MSI2: variants seen among roughly 807,000 people sequenced by gnomAD.
MSI2 encodes musashi RNA binding protein 2.
In MSI2, 17 loss-of-function variants were observed where a neutral mutation model predicts 45.6. The observed-to-expected ratio is 0.37, with a 90% CI of 0.26 to 0.56. The LOEUF (loss-of-function observed/expected upper bound fraction) is 0.56, where lower values mean the gene tolerates loss of function less well. Among genes scored for constraint, MSI2 ranks in the 20% least tolerant of loss-of-function variants. The pLI, the probability that MSI2 is intolerant of heterozygous loss-of-function variation, is 0.77. For synonymous variants in MSI2, 156 were observed against 158.2 expected (o/e 0.99, Z 0.11); for missense variants, 293 against 444.2 (o/e 0.66, Z 3.06).
rs556165369 is a variant in MSI2 at position 57,682,621 on chromosome 17, T to A, written c.*3104T>A. 3.7e-5 allele frequency: 6 copies of A among 163,076 alleles called. No individual in the cohort carries two copies. The East Asian group carries it at 6.4e-4, about 17-fold the overall frequency. The allele number at this position is 163,076 out of a possible 1,614,324, so 10.1% of individuals were successfully genotyped here. On this transcript the variant is annotated 3_prime_UTR_variant, in exon 14 of 14. Transcript: ENST00000284073. ...TTTAAGGTTCACGTTAGTCCCCCCA[T>A]TCCATCTAGAAGTCCATTTTGAAAG...
chr17:57,619,106 T>C (rs1053387447), intron 9 of MSI2, among the ~76,000 whole-genome samples: 1 of 152,232 alleles, frequency 6.6e-6, no homozygotes, highest in Non-Finnish European at 1.5e-5. Flanking sequence ...GCTCAGGTCC[T>C]GTCAGTTGAC....
intron 10 of MSI2, among the ~76,000 whole-genome samples, chr17:57,643,811 G>A (rs1436418257): frequency 6.6e-6 from 1 of 152,138 alleles, no homozygotes; most frequent in African/African-American, 2.4e-5. Context: ...ATTATCTGGG[G>A]CACTTTTGTG....
At chr17:57,528,927 A>C (rs1374091162) in intron 6 of MSI2, among the ~76,000 whole-genome samples, 1 of 152,214 alleles carries the variant, frequency 6.6e-6, no homozygotes, top group African/African-American at 2.4e-5. Context: ...ATCACTAAAA[A>C]CAATTCACAT....
chr17:57,267,653 T>TC (rs1170970358), intron 5 of MSI2: 4 of 151,670 alleles, frequency 2.6e-5, no homozygotes, highest in African/African-American at 9.7e-5. Context: ...ATCTCTCTCT[T>TC]CCCGTTTGAT....
chr17:57,276,283 C>G (rs1186470029), intron 5 of MSI2, among the ~76,000 whole-genome samples: 1 of 152,152 alleles, frequency 6.6e-6, no homozygotes, highest in East Asian at 1.9e-4. Context: ...TTGATGATTT[C>G]TTGTTCAAAT....
intron 5 of MSI2, among the ~76,000 whole-genome samples, chr17:57,310,543 AG>A (rs1257831526): frequency 6.6e-6 from 1 of 152,158 alleles, no homozygotes; most frequent in Non-Finnish European, 1.5e-5. Flanking sequence ...CATGTTGGCC[AG>A]GCTGGTCTCG....
At chr17:57,361,606 C>CAAA (rs34432170) in intron 5 of MSI2, among the ~76,000 whole-genome samples, 1 of 71,768 alleles carries the variant, frequency 1.4e-5, no homozygotes, top group Non-Finnish European at 3.1e-5. Flanking sequence ...GACCTTGTCT[C>CAAA]AAAAAAAAAA....
chr17:57,370,047 C>T (rs1296001331), intron 5 of MSI2, among the ~76,000 whole-genome samples: 1 of 152,238 alleles, frequency 6.6e-6, no homozygotes, highest in Non-Finnish European at 1.5e-5. Context: ...CCTTAAAACA[C>T]TGTCGCTGGG....
At chr17:57,507,223 C>CTGTGTGTGTGTGTG (rs1436640773) in intron 6 of MSI2, among the ~76,000 whole-genome samples, 1 of 109,818 alleles carries the variant, frequency 9.1e-6, no homozygotes, top group African/African-American at 4.9e-5. Context: ...GTCTTTGTCT[C>CTGTGTGTGTGTGTG]TCTGTGTGTG....
At chr17:57,554,480 T>G (rs938747743) in intron 7 of MSI2, among the ~76,000 whole-genome samples, 1 of 152,226 alleles carries the variant, frequency 6.6e-6, no homozygotes, top group Non-Finnish European at 1.5e-5. Context: ...AAGTAGTCAA[T>G]GTGTGCACAC....
intron 7 of MSI2, among the ~76,000 whole-genome samples, chr17:57,592,621 A>C (rs1445634397): frequency 1.3e-5 from 2 of 152,222 alleles, no homozygotes; most frequent in African/African-American, 2.4e-5. Context: ...TCCAGGGTAC[A>C]TAGGCTTGAA....
At chr17:57,668,916 C>T (rs4793559) in intron 11 of MSI2, among the ~76,000 whole-genome samples, 75,797 of 152,028 alleles carry the variant, frequency 0.5, 21,949 homozygotes, top group African/African-American at 0.82. Flanking sequence ...TTGATTTTAA[C>T]TTAGCATGTC....
chr17:57,472,110 G>C (rs1014178591), intron 6 of MSI2, among the ~76,000 whole-genome samples: 1 of 152,178 alleles, frequency 6.6e-6, no homozygotes, highest in Non-Finnish European at 1.5e-5. Context: ...AGTTGCTGCC[G>C]GTTCCTGCCT....
chr17:57,460,267 T>C (rs186558788), intron 6 of MSI2, among the ~76,000 whole-genome samples: 6 of 152,108 alleles, frequency 3.9e-5, no homozygotes, highest in Non-Finnish European at 7.4e-5. Flanking sequence ...GAGGCTGCAG[T>C]GAGCTGTGGT....
Position 57,256,568 on chromosome 17 carries a change from C to A in MSI2, c.-175C>A. 2.7e-6 allele frequency: 1 copy of A among 375,662 alleles called. No individual in the cohort carries two copies. The highest frequency in any genetic ancestry group is 4.6e-6 in the Non-Finnish European group (1 of 215,350). 23.3% of individuals were successfully genotyped at this position (375,662 alleles called of 1,614,324 possible). ...GCTAAGCCGAGCCCACGTGTGACGG[C>A]TCTCGCCGCTGCCCCGGCTCCGCCG... On this transcript the variant is annotated 5_prime_UTR_variant, in exon 1 of 14. Coordinates refer to ENST00000284073, the MANE Select transcript of MSI2 (RefSeq NM_138962.4).
chr17:57,607,865 G>A (rs1045581399), intron 8 of MSI2, among the ~76,000 whole-genome samples: 1 of 152,128 alleles, frequency 6.6e-6, no homozygotes, highest in African/African-American at 2.4e-5. Flanking sequence ...AGAGAGTGCA[G>A]GGAGGTGCCA....
chr17:57,303,262 G>C (rs372959366), intron 5 of MSI2, among the ~76,000 whole-genome samples: 1 of 152,148 alleles, frequency 6.6e-6, no homozygotes, highest in Non-Finnish European at 1.5e-5. Flanking sequence ...TTAACACTTG[G>C]GGGAGAGAAG....
Position 57,552,397 on chromosome 17 carries a change from C to A in MSI2, c.454+22673C>A, listed in dbSNP as rs571098995. Among the ~76,000 whole-genome samples, 2 of 152,164 alleles carry A rather than the reference C, an allele frequency of 1.3e-5. No homozygotes were observed. The highest frequency in any genetic ancestry group is 1.5e-5 in the Non-Finnish European group (1 of 68,026). ...GCCAGCACCCCCCAACCCAGCCCCC[C>A]ACTCACTGCCCTGCTGCATCCAGCC... On this transcript the variant is annotated intron_variant, in intron 7 of 13. Transcript: ENST00000284073. The surrounding 1 kb of genome is among the most constrained non-coding windows in gnomAD (Gnocchi z 4.3).
intron 10 of MSI2, among the ~76,000 whole-genome samples, chr17:57,643,718 G>A (rs922188583): frequency 6.6e-6 from 1 of 152,248 alleles, no homozygotes; most frequent in African/African-American, 2.4e-5. Flanking sequence ...ACATTGCGAT[G>A]CACCTTCCTT....
Sources: gnomAD v4.1 joint callset for allele counts (sites outside exome capture counted in the v4.1 genomes callset) on GRCh38, gnomAD v4.1.1 for gene constraint, Gnocchi (gnomAD v3.1) non-coding constraint, MANE v1.5 for transcripts, NCBI Gene and HGNC (gene_info 2026-07-23, HGNC 2026-07-21) for gene names.